KCNK13: variants seen among roughly 807,000 people sequenced by gnomAD.
KCNK13 encodes the protein potassium two pore domain channel subfamily K member 13, also known as potassium channel subfamily K member 13.
In KCNK13, 12 loss-of-function variants were observed where a neutral mutation model predicts 23.4. That is an observed-to-expected ratio of 0.51 (90% CI 0.33 to 0.83). The LOEUF (loss-of-function observed/expected upper bound fraction) is 0.83. KCNK13 is among the 40% of genes least tolerant of loss of function. The pLI, the probability that KCNK13 is intolerant of heterozygous loss-of-function variation, is 0.02. For synonymous variants in KCNK13, 231 were observed against 229.5 expected (o/e 1.01, Z -0.06); for missense variants, 463 against 556.3 (o/e 0.83, Z 1.69).
chr14:90,105,036 C>T (rs773333734), intron 1 of KCNK13, among the ~76,000 whole-genome samples: 11 of 151,970 alleles, frequency 7.2e-5, no homozygotes, highest in Non-Finnish European at 1.6e-4. Flanking sequence ...GTGATCTTCA[C>T]GCCTCAACCT....
intron 1 of KCNK13, among the ~76,000 whole-genome samples, chr14:90,085,546 C>G (rs1409034048): frequency 1.3e-5 from 2 of 150,812 alleles, no homozygotes; most frequent in Non-Finnish European, 2.9e-5. Context: ...ATACTCCCAG[C>G]TACTCAGGAG....
intron 1 of KCNK13, among the ~76,000 whole-genome samples, chr14:90,123,130 AC>A (rs1045258719): frequency 2.3e-4 from 35 of 152,200 alleles, no homozygotes; most frequent in Admixed American, 1.7e-3. Context: ...AGCAAGTCCC[AC>A]CCCCAGGAAC....
chr14:90,069,542 T>C (rs1468873158), intron 1 of KCNK13, among the ~76,000 whole-genome samples: 3 of 151,534 alleles, frequency 2.0e-5, no homozygotes, highest in African/African-American at 4.9e-5. Flanking sequence ...TTTTTTTTTT[T>C]CTCAGAGGAA....
intron 1 of KCNK13, among the ~76,000 whole-genome samples, chr14:90,079,353 G>A (rs1344950731): frequency 3.7e-4 from 57 of 152,164 alleles, no homozygotes; most frequent in Admixed American, 3.7e-3. Flanking sequence ...AGGGAATTGA[G>A]GATGAGAAAA....
chr14:90,137,880 G>A (rs911437325), intron 1 of KCNK13, among the ~76,000 whole-genome samples: 3 of 152,176 alleles, frequency 2.0e-5, no homozygotes, highest in Admixed American at 2.0e-4. Context: ...ATTAGAGATT[G>A]ATTCCACTGT....
intron 1 of KCNK13, among the ~76,000 whole-genome samples, chr14:90,173,666 A>T (rs1274944158): frequency 6.6e-6 from 1 of 152,166 alleles, no homozygotes; most frequent in Non-Finnish European, 1.5e-5. Flanking sequence ...TTAAGACCCA[A>T]ACTTCCCAAT....
intron 1 of KCNK13, among the ~76,000 whole-genome samples, chr14:90,137,193 C>A (rs2140425954): frequency 6.6e-6 from 1 of 152,308 alleles, no homozygotes. Context: ...TACTGCACCC[C>A]ACTGCATTTC....
chr14:90,120,596 C>T (rs1328846394), intron 1 of KCNK13, among the ~76,000 whole-genome samples: 1 of 152,198 alleles, frequency 6.6e-6, no homozygotes, highest in Admixed American at 6.5e-5. Context: ...TGAGAACTCA[C>T]TCACTATCAT....
intron 1 of KCNK13, among the ~76,000 whole-genome samples, chr14:90,103,324 G>A (rs966266434): frequency 2.0e-5 from 3 of 152,088 alleles, no homozygotes; most frequent in Non-Finnish European, 2.9e-5. Flanking sequence ...TGGATCAAAC[G>A]GTAACTCTAA....
At chr14:90,173,258 G>GA (rs1422297846) in intron 1 of KCNK13, among the ~76,000 whole-genome samples, 1 of 152,186 alleles carries the variant, frequency 6.6e-6, no homozygotes, top group South Asian at 2.1e-4. Context: ...TTGGGAGGCT[G>GA]AGGCAGTAGG....
intron 1 of KCNK13, among the ~76,000 whole-genome samples, chr14:90,173,992 A>C (rs1890393703): frequency 6.6e-6 from 1 of 152,142 alleles, no homozygotes; most frequent in African/African-American, 2.4e-5. Flanking sequence ...AAGTGCAAAG[A>C]GGGAAGAGTC....
chr14:90,162,219 C>T (rs1395603505), intron 1 of KCNK13, among the ~76,000 whole-genome samples: 2 of 152,122 alleles, frequency 1.3e-5, no homozygotes, highest in African/African-American at 4.8e-5. Context: ...GGAGAACTGT[C>T]TACATTTTTG....
intron 1 of KCNK13, among the ~76,000 whole-genome samples, chr14:90,063,064 C>T (rs1888964721): frequency 6.6e-6 from 1 of 152,012 alleles, no homozygotes; most frequent in Non-Finnish European, 1.5e-5. Flanking sequence ...GTGCCAATGA[C>T]GGTTCAAAAG....
rs532006167 is a variant in KCNK13, at chr14:90,071,109, A to G, written c.334+8570A>G. Among the ~76,000 whole-genome samples the G allele has an allele frequency of 8.5e-4, 130 of 152,306 alleles. 1 individual carries two copies. Among genetic ancestry groups the G allele is most frequent in the South Asian group, 2.1e-3 (10 of 4,826 alleles). On this transcript the variant is annotated intron_variant, in intron 1 of 1. Transcript: ENST00000282146. The stretch of plus-strand genomic sequence containing the variant: ...GAAATTCTTGTTTATATTATAAAAT[A>G]GAATGGCTTCCTTTTCTTTTATCGT...
At chr14:90,096,873 C>T (rs1889416660) in intron 1 of KCNK13, among the ~76,000 whole-genome samples, 2 of 152,192 alleles carry the variant, frequency 1.3e-5, no homozygotes, top group South Asian at 4.1e-4. Context: ...TTTGTCCCCT[C>T]AGTTGAAACA....
intron 1 of KCNK13, among the ~76,000 whole-genome samples, chr14:90,094,883 G>A (rs1396961845): frequency 6.6e-6 from 1 of 151,964 alleles, no homozygotes; most frequent in Non-Finnish European, 1.5e-5. Context: ...TCCTGACCTC[G>A]TGATCCTCCC....
intron 1 of KCNK13, among the ~76,000 whole-genome samples, chr14:90,134,741 G>A (rs1228528839): frequency 6.6e-6 from 1 of 152,160 alleles, no homozygotes; most frequent in African/African-American, 2.4e-5. Flanking sequence ...GCAGAGAGAC[G>A]TGTGTGATCC....
chr14:90,083,662 T>G (rs1398904617), intron 1 of KCNK13, among the ~76,000 whole-genome samples: 1 of 152,242 alleles, frequency 6.6e-6, no homozygotes, highest in Non-Finnish European at 1.5e-5. Context: ...CGATGTGATG[T>G]ATTCCCTCCT....
chr14:90,130,095 G>A (rs1256479473), intron 1 of KCNK13, among the ~76,000 whole-genome samples: 1 of 152,152 alleles, frequency 6.6e-6, no homozygotes, highest in Non-Finnish European at 1.5e-5. Flanking sequence ...ACTCAGAGGA[G>A]ATGTGACTGA....
Sources: gnomAD v4.1 joint callset for allele counts (sites outside exome capture counted in the v4.1 genomes callset) on GRCh38, gnomAD v4.1.1 for gene constraint, MANE v1.5 for transcripts, NCBI Gene and HGNC (gene_info 2026-07-23, HGNC 2026-07-21) for gene names.